The following TEP1 variants were observed in gnomAD, a reference collection of about 807,000 sequenced individuals.
The protein encoded by TEP1 is telomerase protein component 1.
Under a neutral mutation model 306.3 loss-of-function variants are expected in TEP1, and 241 were observed. That is an observed-to-expected ratio of 0.79 (90% CI 0.71 to 0.88). The LOEUF is 0.88. Among genes scored for constraint, TEP1 ranks in the 40% least tolerant of loss-of-function variants. TEP1 has a pLI of 0.00. For synonymous variants in TEP1, 1,289 were observed against 1,305.5 expected (o/e 0.99, Z 0.27); for missense variants, 3,051 against 3,276.1 (o/e 0.93, Z 1.68).
At chr14:20,380,866 G>T in intron 33 of TEP1, 65 bp downstream of exon 33, 1 of 1,362,636 alleles carries the variant, frequency 7.3e-7, no homozygotes, top group Non-Finnish European at 1.0e-6. Flanking sequence ...CCTGAGCAGG[G>T]CCCCCATAAG....
Position 20,404,663 on chromosome 14 carries a change from C to A in TEP1, c.980G>T (p.Cys327Phe), listed in dbSNP as rs1285572627. Residue 327 changes from cysteine (C) to phenylalanine (F), a missense_variant, in exon 5 of 55, where the codon TGT becomes TTT. By Grantham distance (205) the Cys-to-Phe change is radical. Coordinates refer to ENST00000262715, the MANE Select transcript of TEP1 (RefSeq NM_007110.5). ...GTCAGAAGGCAGCTGGACAATGGCA[C>A]AGAAATATCGTCGCAGGTGGGGGCG... is the stretch of plus-strand genomic sequence containing the variant. ...ACRPHLRRYF[C>F]AIVQLPSDWI... 3 of 1,614,040 alleles carry A rather than the reference C, an allele frequency of 1.9e-6. No homozygotes were observed. Among genetic ancestry groups the A allele is most frequent in the Admixed American group, 1.7e-5 (1 of 59,994 alleles).
intron 9 of TEP1, 67 bp from the exon 10 acceptor site, chr14:20,396,797 T>C: frequency 9.0e-7 from 1 of 1,115,800 alleles, no homozygotes; most frequent in Non-Finnish European, 1.3e-6. Flanking sequence ...CATGCACCTA[T>C]AATCTCAGCT....
intron 42 of TEP1, 75 bp downstream of exon 42, chr14:20,376,029 G>A (rs1285051942): frequency 1.3e-6 from 2 of 1,566,448 alleles, no homozygotes; most frequent in African/African-American, 1.4e-5. Context: ...AGGAAGCAAT[G>A]GGAAATGGGT....
intron 12 of TEP1, among the ~76,000 whole-genome samples, chr14:20,394,906 G>GT (rs1226089214): frequency 6.6e-6 from 1 of 152,140 alleles, no homozygotes; most frequent in Admixed American, 6.5e-5. Flanking sequence ...AAAAATAAGT[G>GT]TAAGATACTG....
rs1884692178 is a variant in TEP1 at position 20,369,504 on chromosome 14, C to CA, written c.7495dup (p.Trp2499LeufsTer5). 1.2e-6 allele frequency: 2 copies of CA among 1,614,146 alleles called. No homozygotes were observed. Among genetic ancestry groups the CA allele is most frequent in the Middle Eastern group, 1.6e-4 (1 of 6,062 alleles). On this transcript the variant is annotated frameshift_variant, in exon 53 of 55. Coordinates refer to ENST00000262715, the MANE Select transcript of TEP1 (RefSeq NM_007110.5). LOFTEE classifies it high-confidence loss of function. ...TTTCTGCCACATGTTACCTGTGGTCCATTCTCCTTCTGGGCTGCATTTGGC... is the reference window on the plus strand; with the variant it reads ...TTTCTGCCACATGTTACCTGTGGTCCAATTCTCCTTCTGGGCTGCATTTGGC...
rs762248758 is a variant in TEP1 at position 20,382,215 on chromosome 14, A to G, written c.4273+9T>C. 1.2e-6 allele frequency: 2 copies of G among 1,614,032 alleles called. No individual in the cohort carries two copies. The highest frequency in any genetic ancestry group is 8.5e-7 in the Non-Finnish European group (1 of 1,179,982). ...TCAGCCTCCCAACCAACCCACCCCA[A>G]GCACTGACCACTCCGTGTGACTTCT... On this transcript the variant is annotated intron_variant, in intron 29 of 54. Transcript: ENST00000262715.
intron 1 of TEP1, among the ~76,000 whole-genome samples, chr14:20,412,046 T>A (rs185139000): frequency 3.0e-3 from 450 of 152,310 alleles, no homozygotes; most frequent in African/African-American, 0.01. Flanking sequence ...GTCAACCACC[T>A]AAACTTAGTG....
At chr14:20,402,483 C>T (rs957365739) in intron 7 of TEP1, among the ~76,000 whole-genome samples, 3 of 152,114 alleles carry the variant, frequency 2.0e-5, no homozygotes, top group African/African-American at 7.2e-5. Flanking sequence ...GTTTTAATAA[C>T]GATGATGGTA....
intron 51 of TEP1, among the ~76,000 whole-genome samples, chr14:20,370,746 A>C (rs1314495208): frequency 1.3e-5 from 2 of 152,188 alleles, no homozygotes; most frequent in East Asian, 3.8e-4. Flanking sequence ...AGATAACTTT[A>C]GTGGGTAGCA....
At chr14:20,405,184 G>A (rs1879081698) in intron 4 of TEP1, among the ~76,000 whole-genome samples, 1 of 152,160 alleles carries the variant, frequency 6.6e-6, no homozygotes. Flanking sequence ...GTATTTGTAT[G>A]ATATTTGGAA....
rs200164444 is a variant in TEP1, at chr14:20,400,568, CT to C, written c.1549+415del. On this transcript the variant is annotated intron_variant, in intron 9 of 54. Coordinates refer to ENST00000262715, the MANE Select transcript of TEP1 (RefSeq NM_007110.5). ...GATAACTTGATCCTCCTCTATTTGA[CT>C]TTTTTTTTTTCTGTATCAATGTGGG... 55 of 131,878 alleles carry C rather than the reference CT, an allele frequency of 4.2e-4. No homozygotes were observed. In the East Asian group the frequency reaches 5.0e-3, roughly 12 times the overall value. The allele number at this position is 131,878 out of a possible 1,614,324, so 8.2% of individuals were successfully genotyped here. A position where few individuals can be genotyped will look rare whatever the true frequency, so the allele number is the denominator to read the frequency against.
In TEP1 at chr14:20,373,758, T is replaced by G; in HGVS notation, c.6524A>C (p.His2175Pro). Residue 2175 changes from histidine (H) to proline (P), a missense_variant, in exon 45 of 55, where the codon CAT becomes CCT. Around this residue, in one of 3 missense-constraint regions of TEP1, gnomAD observed 1,540 missense variants for 1,705.9 expected, o/e 0.90. Transcript: ENST00000262715. ...SRDGTLKVWDHQGVELTSIPA... is the reference protein window; with the variant it reads ...SRDGTLKVWDPQGVELTSIPA... ...GATGCTGGTCAGCTCCACGCCTTGA[T>G]GGTCCCACACTTTCAAGGTCCCATC... 5.0e-6 allele frequency: 8 copies of G among 1,614,150 alleles called. No homozygotes were observed. Among genetic ancestry groups the G allele is most frequent in the Non-Finnish European group, 6.8e-6 (8 of 1,180,036 alleles).
intron 28 of TEP1, 24 bp downstream of exon 28, chr14:20,382,599 A>T (rs1469763321): frequency 6.2e-7 from 1 of 1,612,708 alleles, no homozygotes; most frequent in South Asian, 1.1e-5. Flanking sequence ...AGTGATTAGG[A>T]CTTGGAAGGT....
At position 20,373,792 on chromosome 14, in the gene TEP1, C is replaced by A. The variant is rs924057937; in HGVS notation, c.6490G>T (p.Val2164Leu). ...VAAVEEHVVS[V>L]SRDGTLKVWD... ...ACTTTCAAGGTCCCATCCCGGCTCA[C>A]AGACACCACGTGCTCCTCCTGCCCA... is the stretch of plus-strand genomic sequence containing the variant. Residue 2164 changes from valine to leucine, a missense_variant, in exon 45 of 55, where the codon GTG becomes TTG. Around this residue, in one of 3 missense-constraint regions of TEP1, gnomAD observed 1,540 missense variants for 1,705.9 expected, o/e 0.90. Transcript: ENST00000262715. The A allele has an allele frequency of 6.2e-7, 1 of 1,613,274 alleles. No homozygotes were observed. The highest frequency in any genetic ancestry group is 8.5e-7 in the Non-Finnish European group (1 of 1,179,988).
Position 20,376,128 on chromosome 14 carries a change from G to A in TEP1, c.6225C>T (p.Ser2075=), listed in dbSNP as rs761427965. 4 of 1,614,118 alleles carry A rather than the reference G, an allele frequency of 2.5e-6. No individual in the cohort carries two copies. The highest frequency in any genetic ancestry group is 3.4e-6 in the Non-Finnish European group (4 of 1,180,020). The part of the protein sequence containing the change: ...SCCSFSTDGG[S]LATGGRDRSL... ...CCCGATCCCGGCCCCCGGTGGCCAG[G>A]CTGCCTCCATCAGTGCTGAAACTAC... The change falls in exon 42 of 55, where the codon AGC becomes AGT. Residue 2075 remains serine, a synonymous_variant. Transcript: ENST00000262715.
chr14:20,376,911 T>C (rs1885207540), intron 41 of TEP1, among the ~76,000 whole-genome samples: 1 of 152,186 alleles, frequency 6.6e-6, no homozygotes, highest in Admixed American at 6.5e-5. Context: ...TGTTAGTGTC[T>C]TTAAAAGGAA....
intron 20 of TEP1, 151 bp downstream of exon 20, chr14:20,385,924 C>T: frequency 8.2e-7 from 1 of 1,222,560 alleles, no homozygotes; most frequent in Non-Finnish European, 1.1e-6. Context: ...AGAGCATGGT[C>T]ACTTGCAGTA....
At position 20,382,224 on chromosome 14, in the gene TEP1, C is replaced by A; in HGVS notation, c.4273G>T (p.Gly1425Cys). ...CAACCAACCCACCCCAAGCACTGACCACTCCGTGTGACTTCTAGGGCAGTC... is the reference window on the plus strand; with the variant it reads ...CAACCAACCCACCCCAAGCACTGACAACTCCGTGTGACTTCTAGGGCAGTC... Reference protein sequence around the residue: ...ALTALEVTRSGLTVDQLHGVL... With the variant: ...ALTALEVTRSCLTVDQLHGVL... Residue 1425 changes from glycine (G) to cysteine (C), a missense_variant and splice_region_variant, in exon 29 of 55, where the codon GGT becomes TGT. This residue lies in a region of TEP1 where 1,540 missense variants were observed against 1,705.9 expected (regional missense o/e 0.90). Coordinates refer to ENST00000262715, the MANE Select transcript of TEP1 (RefSeq NM_007110.5). 6.2e-7 allele frequency: 1 copy of A among 1,614,158 alleles called. No individual in the cohort carries two copies. Among genetic ancestry groups the A allele is most frequent in the Non-Finnish European group, 8.5e-7 (1 of 1,180,028 alleles).
Position 20,405,507 on chromosome 14 carries a change from C to T in TEP1, c.814G>A (p.Ala272Thr). 6.2e-7 allele frequency: 1 copy of T among 1,614,148 alleles called. No individual in the cohort carries two copies. The highest frequency in any genetic ancestry group is 8.5e-7 in the Non-Finnish European group (1 of 1,180,038). ...AGTTCACGACAGATTTCAAAAATGG[C>T]AGCCAGGGTGGGGTCAGATGTATTG... The part of the protein sequence containing the change: ...MNNTSDPTLA[A>T]IFEICRELAL... The change falls in exon 4 of 55, where the codon GCC becomes ACC. Residue 272 changes from alanine (A) to threonine (T), a missense_variant. Ala to Thr is a moderately conservative substitution (Grantham distance 58). Transcript: ENST00000262715.
Sources: gnomAD v4.1 joint callset for allele counts (sites outside exome capture counted in the v4.1 genomes callset) on GRCh38, gnomAD v4.1.1 for gene constraint, gnomAD v4.1.1 regional missense constraint, MANE v1.5 for transcripts, NCBI Gene and HGNC (gene_info 2026-07-23, HGNC 2026-07-21) for gene names.